CEP85L: variants seen among roughly 807,000 people sequenced by gnomAD.
CEP85L encodes centrosomal protein of 85 kDa-like.
Under a neutral mutation model 100.3 loss-of-function variants are expected in CEP85L, and 60 were observed. That is an observed-to-expected ratio of 0.60 (90% CI 0.49 to 0.74). The LOEUF is 0.74. CEP85L is among the 30% of genes least tolerant of loss of function. The pLI is 0.00. For missense variants in CEP85L, 973 were observed against 936.2 expected, an observed-to-expected ratio of 1.04 and a Z score of -0.51; for synonymous variants, 319 against 322.7, an observed-to-expected ratio of 0.99 and a Z score of 0.12.
At chr6:118,691,948 G>T (rs975990811) in intron 1 of CEP85L, among the ~76,000 whole-genome samples, 1 of 152,102 alleles carries the variant, frequency 6.6e-6, no homozygotes, top group Non-Finnish European at 1.5e-5. Context: ...TCTACTTGGA[G>T]TAGGATTGCT....
At chr6:118,487,954 T>C (rs1476690607) in intron 6 of CEP85L, among the ~76,000 whole-genome samples, 1 of 152,184 alleles carries the variant, frequency 6.6e-6, no homozygotes. Flanking sequence ...TCTGCTTGTC[T>C]GAGTACTGAT....
chr6:118,618,307 G>A (rs1365122068), intron 2 of CEP85L, among the ~76,000 whole-genome samples: 1 of 152,198 alleles, frequency 6.6e-6, no homozygotes, highest in African/African-American at 2.4e-5. Flanking sequence ...CTATTTAGGA[G>A]ACTTAAGTTT....
chr6:118,609,347 C>G (rs1334355787), intron 2 of CEP85L, among the ~76,000 whole-genome samples: 2 of 152,086 alleles, frequency 1.3e-5, no homozygotes, highest in Admixed American at 6.5e-5. Flanking sequence ...TGAATAATAT[C>G]TGAAATATGA....
chr6:118,488,715 G>A (rs1774355510), intron 6 of CEP85L, among the ~76,000 whole-genome samples: 1 of 152,052 alleles, frequency 6.6e-6, no homozygotes. Context: ...GGGACCCAAT[G>A]GAACCCAAAT....
chr6:118,610,879 G>A (rs1471713859), intron 2 of CEP85L, among the ~76,000 whole-genome samples: 3 of 152,196 alleles, frequency 2.0e-5, no homozygotes, highest in East Asian at 1.9e-4. Flanking sequence ...ATATTTTCAC[G>A]TGATAAAAGA....
chr6:118,644,947 C>T (rs527908016), intron 1 of CEP85L, among the ~76,000 whole-genome samples: 2 of 152,344 alleles, frequency 1.3e-5, no homozygotes, highest in South Asian at 4.1e-4. Flanking sequence ...GTCCCCAATA[C>T]ATGGGAACAG....
At chr6:118,584,695 G>A (rs2115092185) in intron 2 of CEP85L, among the ~76,000 whole-genome samples, 1 of 152,322 alleles carries the variant, frequency 6.6e-6, no homozygotes. Context: ...GGTGGCTAAA[G>A]GATGGCCAGC....
At chr6:118,697,782 T>G (rs73515246) in intron 1 of CEP85L, among the ~76,000 whole-genome samples, 2,599 of 152,286 alleles carry the variant, frequency 0.017, 83 homozygotes, top group African/African-American at 0.06. Flanking sequence ...CGAATATGTC[T>G]GACTTTATAG....
At chr6:118,672,393 G>C (rs1259069230) in intron 1 of CEP85L, among the ~76,000 whole-genome samples, 1 of 151,938 alleles carries the variant, frequency 6.6e-6, no homozygotes, top group Admixed American at 6.6e-5. Flanking sequence ...AATATTTGTT[G>C]AATATTGACT....
chr6:118,583,625 C>T lies in CEP85L; in HGVS notation c.233-17309G>A, dbSNP rs145362409. Among the ~76,000 whole-genome samples, 3 of 152,134 alleles carry T rather than the reference C, an allele frequency of 2.0e-5. 1 individual carries two copies. Among genetic ancestry groups the T allele is most frequent in the Non-Finnish European group, 1.5e-5 (1 of 68,026 alleles). The stretch of plus-strand genomic sequence containing the variant: ...AGAATAGGTTGAGCTATAACCACTA[C>T]GCCAGTCCAGATCTATCTTAAGGAT... On this transcript the variant is annotated intron_variant, in intron 2 of 12. Coordinates refer to ENST00000368491, the MANE Select transcript of CEP85L (RefSeq NM_001042475.3).
At chr6:118,533,077 T>C (rs1393018467) in intron 3 of CEP85L, among the ~76,000 whole-genome samples, 1 of 152,042 alleles carries the variant, frequency 6.6e-6, no homozygotes, top group African/African-American at 2.4e-5. Context: ...TAAGCTTCCA[T>C]CTTTAGAAAC....
chr6:118,629,017 C>T (rs1773978283), intron 2 of CEP85L, among the ~76,000 whole-genome samples: 1 of 152,104 alleles, frequency 6.6e-6, no homozygotes, highest in Non-Finnish European at 1.5e-5. Context: ...ACTCAACCAA[C>T]CGTGGATCAA....
chr6:118,611,518 AT>A (rs1338472523), intron 2 of CEP85L, among the ~76,000 whole-genome samples: 1 of 152,196 alleles, frequency 6.6e-6, no homozygotes, highest in Non-Finnish European at 1.5e-5. Context: ...AAATAATTAC[AT>A]TAAATGTAAA....
intron 1 of CEP85L, among the ~76,000 whole-genome samples, chr6:118,684,172 C>A (rs1437973551): frequency 6.6e-6 from 1 of 152,170 alleles, no homozygotes; most frequent in Non-Finnish European, 1.5e-5. Flanking sequence ...TTAAACATAA[C>A]CCTTTCTGGC....
chr6:118,479,458 T>G (rs1481452850), intron 10 of CEP85L, among the ~76,000 whole-genome samples: 1 of 152,150 alleles, frequency 6.6e-6, no homozygotes, highest in Non-Finnish European at 1.5e-5. Context: ...CCCCTGGATG[T>G]CTTCGTTCAG....
chr6:118,527,294 C>T (rs1777032758), intron 3 of CEP85L, among the ~76,000 whole-genome samples: 2 of 151,992 alleles, frequency 1.3e-5, no homozygotes, highest in South Asian at 2.1e-4. Flanking sequence ...CATGAGCCAC[C>T]GCGTCCGGCT....
chr6:118,621,468 G>A (rs550789150), intron 2 of CEP85L, among the ~76,000 whole-genome samples: 2 of 152,274 alleles, frequency 1.3e-5, no homozygotes, highest in Admixed American at 6.5e-5. Context: ...TCCTGCCCCA[G>A]GGGTTTAGGG....
chr6:118,589,898 A>G (rs183458134), intron 2 of CEP85L, among the ~76,000 whole-genome samples: 1 of 152,238 alleles, frequency 6.6e-6, no homozygotes, highest in Admixed American at 6.5e-5. Flanking sequence ...TAGTTAATGC[A>G]TATTTCTGTT....
At chr6:118,529,557 G>A (rs1440217939) in intron 3 of CEP85L, among the ~76,000 whole-genome samples, 3 of 138,356 alleles carry the variant, frequency 2.2e-5, no homozygotes, top group African/African-American at 8.3e-5. Context: ...GCAGTGAGCC[G>A]AGATCGCACC....
Sources: allele counts gnomAD v4.1 joint callset (sites outside exome capture counted in the v4.1 genomes callset), GRCh38; gene constraint gnomAD v4.1.1; transcripts MANE v1.5; gene names NCBI Gene and HGNC (gene_info 2026-07-23, HGNC 2026-07-21).